RBFOX1: variants seen among roughly 807,000 people sequenced by gnomAD.
RBFOX1 encodes RNA binding protein fox-1 homolog 1.
RBFOX1 carries 8 observed loss-of-function variants against 57.7 expected under a neutral mutation model. That is an observed-to-expected ratio of 0.14 (90% CI 0.08 to 0.25). RBFOX1 has a LOEUF of 0.25. Ranked by LOEUF, RBFOX1 falls within the 10% of genes least tolerant of loss-of-function variation. The pLI is 1.00. For missense variants in RBFOX1, 611 were observed against 548.5 expected, an observed-to-expected ratio of 1.11 and a Z score of -1.14; for synonymous variants, 326 against 222.4, an observed-to-expected ratio of 1.47 and a Z score of -4.15.
chr16:6,373,869 T>G (rs2090824127), intron 2 of RBFOX1, among the ~76,000 whole-genome samples: 1 of 152,156 alleles, frequency 6.6e-6, no homozygotes, highest in East Asian at 1.9e-4. Context: ...AGGTGCTGTT[T>G]AAGAAGTTAT....
chr16:7,213,513 G>A (rs2091519831), intron 4 of RBFOX1, among the ~76,000 whole-genome samples: 1 of 151,806 alleles, frequency 6.6e-6, no homozygotes. Context: ...TAGTAAAGAT[G>A]TGGTGCATGG....
intron 3 of RBFOX1, among the ~76,000 whole-genome samples, chr16:5,747,486 A>G (rs1273505030): frequency 6.6e-6 from 1 of 152,160 alleles, no homozygotes; most frequent in Non-Finnish European, 1.5e-5. Flanking sequence ...TACCTCTGGT[A>G]GAATTCGGCT....
At chr16:6,162,543 T>C (rs1249075062) in intron 1 of RBFOX1, among the ~76,000 whole-genome samples, 1 of 152,184 alleles carries the variant, frequency 6.6e-6, no homozygotes, top group Admixed American at 6.5e-5. Context: ...CAGTGAAACA[T>C]AGATGACTCT....
chr16:7,422,775 A>G (rs2149393251), intron 4 of RBFOX1: 1 of 152,298 alleles, frequency 6.6e-6, no homozygotes, highest in Non-Finnish European at 1.5e-5. Flanking sequence ...GCTTGAGCAA[A>G]GCAGTGTGAT....
rs183985730 is a variant in RBFOX1 at position 7,402,891 on chromosome 16, A to G, written c.28-115256A>G. ...CATTCAGTCCTAGACATTGATGCCT[A>G]AAGTATAAACTGTGGTCTATAGATG... On this transcript the variant is annotated intron_variant, in intron 4 of 15. Coordinates refer to ENST00000550418, the MANE Select transcript of RBFOX1 (RefSeq NM_018723.4). Among the ~76,000 whole-genome samples, 10 of 152,288 alleles carry G rather than the reference A, an allele frequency of 6.6e-5. No individual in the cohort carries two copies. The East Asian group carries it at 1.5e-3, about 24-fold the overall frequency.
rs914312496 is a variant in RBFOX1 at position 7,664,667 on chromosome 16, T to C, written c.891-262T>C. On this transcript the variant is annotated intron_variant, in intron 12 of 15. Coordinates refer to ENST00000550418, the MANE Select transcript of RBFOX1 (RefSeq NM_018723.4). ...CAAAGTCGTGCCTTTCTGTACCCAC[T>C]CCTGAGAGAGTGGGAAGTTTGGGAC... 17 of 546,330 alleles carry C rather than the reference T, an allele frequency of 3.1e-5. No individual in the cohort carries two copies. The African/African-American group carries it at 3.2e-4, about 10-fold the overall frequency. The allele number at this position is 546,330 out of a possible 1,614,324, so 33.8% of individuals were successfully genotyped here.
chr16:6,725,058 C>CT (rs1170509941), intron 3 of RBFOX1, among the ~76,000 whole-genome samples: 2 of 31,162 alleles, frequency 6.4e-5, no homozygotes, highest in African/African-American at 1.8e-4. Context: ...TTTTTTTTTT[C>CT]TTTTTTTTTT....
At chr16:7,535,728 C>T (rs566873298) in intron 5 of RBFOX1, among the ~76,000 whole-genome samples, 2 of 152,306 alleles carry the variant, frequency 1.3e-5, no homozygotes, top group East Asian at 3.9e-4. Flanking sequence ...ATCACACATA[C>T]ATTAATCTAC....
chr16:7,265,256 G>C (rs1212718604), intron 4 of RBFOX1, among the ~76,000 whole-genome samples: 2 of 151,912 alleles, frequency 1.3e-5, no homozygotes, highest in African/African-American at 2.4e-5. Context: ...AGTGAGATCA[G>C]GGTAGTAGGA....
chr16:6,769,037 C>A (rs2077855086), intron 3 of RBFOX1, among the ~76,000 whole-genome samples: 1 of 152,148 alleles, frequency 6.6e-6, no homozygotes, highest in Non-Finnish European at 1.5e-5. Context: ...AATATTACTT[C>A]TTTTTCTGTT....
intron 4 of RBFOX1, among the ~76,000 whole-genome samples, chr16:5,930,578 G>A (rs116529324): frequency 0.018 from 1,678 of 94,370 alleles, 156 homozygotes; most frequent in African/African-American, 0.08. Context: ...GCATGGTTGG[G>A]TACATGGGAG....
At chr16:6,735,673 T>A (rs1382756305) in intron 3 of RBFOX1, among the ~76,000 whole-genome samples, 5 of 152,174 alleles carry the variant, frequency 3.3e-5, no homozygotes, top group Non-Finnish European at 7.3e-5. Context: ...GCTGAGACTC[T>A]CTCAGATCCC....
intron 1 of RBFOX1, among the ~76,000 whole-genome samples, chr16:5,277,091 G>GTATATA (rs34355548): frequency 4.1e-4 from 62 of 151,112 alleles, no homozygotes; most frequent in African/African-American, 1.4e-3. Context: ...TTTTTTATAT[G>GTATATA]TATATATATA....
intron 4 of RBFOX1, among the ~76,000 whole-genome samples, chr16:5,911,558 A>G (rs1409118226): frequency 6.6e-6 from 1 of 152,184 alleles, no homozygotes; most frequent in Non-Finnish European, 1.5e-5. Context: ...TTCGTGCACC[A>G]TGCACTAATC....
chr16:5,691,190 C>T (rs889109800), intron 3 of RBFOX1, among the ~76,000 whole-genome samples: 10 of 152,190 alleles, frequency 6.6e-5, no homozygotes, highest in African/African-American at 2.4e-4. Flanking sequence ...AATAAATTTT[C>T]TGTTTTGCAT....
chr16:5,724,189 A>T (rs561677072), intron 3 of RBFOX1, among the ~76,000 whole-genome samples: 152 of 152,290 alleles, frequency 1.0e-3, no homozygotes, highest in Non-Finnish European at 2.0e-3. Context: ...GTGGCAAGAT[A>T]TTCTTTGGAG....
chr16:7,368,584 C>G (rs1206113803), intron 4 of RBFOX1, among the ~76,000 whole-genome samples: 2 of 151,934 alleles, frequency 1.3e-5, no homozygotes, highest in African/African-American at 4.8e-5. Context: ...CAAGACCATC[C>G]TGGCTAACAC....
At chr16:6,755,399 C>G (rs1040410194) in intron 3 of RBFOX1, among the ~76,000 whole-genome samples, 2 of 152,152 alleles carry the variant, frequency 1.3e-5, no homozygotes, top group African/African-American at 2.4e-5. Context: ...GCCATTCTAA[C>G]TGGTGTGAGA....
At position 6,019,087 on chromosome 16, in the gene RBFOX1, A is replaced by C; in HGVS notation, c.-1032A>C. The C allele has an allele frequency of 1.0e-6, 1 of 984,096 alleles. No individual in the cohort carries two copies. 61.0% of individuals were successfully genotyped at this position (984,096 alleles called of 1,614,324 possible). A position where few individuals can be genotyped will look rare whatever the true frequency, so the allele number is the denominator to read the frequency against. On this transcript the variant is annotated 5_prime_UTR_variant, in exon 1 of 16. Transcript: ENST00000550418. This position sits in a 1 kb window ranked among gnomAD's most constrained non-coding sequence, Gnocchi z 4.2. ...TTGTCGCGCGCTCACACACACACAG[A>C]CACACACGCACACACACACATGCAC...
Sources: gnomAD v4.1 joint callset for allele counts (sites outside exome capture counted in the v4.1 genomes callset) on GRCh38, gnomAD v4.1.1 for gene constraint, Gnocchi (gnomAD v3.1) non-coding constraint, MANE v1.5 for transcripts, NCBI Gene and HGNC (gene_info 2026-07-23, HGNC 2026-07-21) for gene names.